The following SLIT3 variants were observed in gnomAD, a reference collection of about 807,000 sequenced individuals.
SLIT3 encodes slit homolog 3 protein.
A neutral mutation model predicts 184.0 loss-of-function variants in SLIT3; 68 were observed. The ratio of observed to expected loss-of-function variants is 0.37; its 90% CI spans 0.30 to 0.45. The LOEUF is 0.45. SLIT3 is among the 20% of genes least tolerant of loss of function. The pLI, the probability that SLIT3 is intolerant of heterozygous loss-of-function variation, is 1.00. For missense variants in SLIT3, 1,707 were observed against 2,026.0 expected, an observed-to-expected ratio of 0.84 and a Z score of 3.02; for synonymous variants, 831 against 828.6, an observed-to-expected ratio of 1.00 and a Z score of -0.05.
intron 4 of SLIT3, among the ~76,000 whole-genome samples, chr5:168,930,518 T>A (rs1026280955): frequency 6.6e-6 from 1 of 152,076 alleles, no homozygotes; most frequent in African/African-American, 2.4e-5. Context: ...AGTTTCCTCA[T>A]CGGGGCAGTA....
intron 4 of SLIT3, among the ~76,000 whole-genome samples, chr5:169,076,729 G>C (rs925223775): frequency 6.6e-6 from 1 of 152,098 alleles, no homozygotes; most frequent in Non-Finnish European, 1.5e-5. Context: ...TAGGATGTGG[G>C]TGAATATAAC....
At chr5:168,871,090 G>A (rs754401760) in intron 5 of SLIT3, among the ~76,000 whole-genome samples, 9 of 152,192 alleles carry the variant, frequency 5.9e-5, no homozygotes, top group East Asian at 1.9e-4. Context: ...GCAGGACTGC[G>A]TTCCTTCTGG....
chr5:168,723,302 G>A (rs942320763), intron 21 of SLIT3, among the ~76,000 whole-genome samples: 1 of 148,630 alleles, frequency 6.7e-6, no homozygotes, highest in Non-Finnish European at 1.5e-5. Context: ...TCACCTGCCT[G>A]CCTGCCCATC....
At chr5:169,004,387 G>GAA (rs1218660379) in intron 4 of SLIT3, among the ~76,000 whole-genome samples, 1 of 152,180 alleles carries the variant, frequency 6.6e-6, no homozygotes, top group East Asian at 1.9e-4. Context: ...GTCCTCTGGA[G>GAA]AAAATAAGGT....
intron 1 of SLIT3, among the ~76,000 whole-genome samples, chr5:169,281,038 T>G (rs1681007341): frequency 6.6e-6 from 1 of 151,212 alleles, no homozygotes; most frequent in Non-Finnish European, 1.5e-5. Context: ...CAATAGGGAG[T>G]GGTAGGGACT....
At chr5:168,901,574 T>C (rs1045707581) in intron 4 of SLIT3, among the ~76,000 whole-genome samples, 2 of 152,168 alleles carry the variant, frequency 1.3e-5, no homozygotes, top group Non-Finnish European at 2.9e-5. Context: ...GAAGCATCTT[T>C]TTTTCAGAAC....
chr5:168,962,801 T>TC (rs1162247249), intron 4 of SLIT3, among the ~76,000 whole-genome samples: 1 of 152,176 alleles, frequency 6.6e-6, no homozygotes, highest in Admixed American at 6.5e-5. Flanking sequence ...CTAAGCACTT[T>TC]CCCTCCTTGG....
At chr5:168,971,475 A>G (rs1369019772) in intron 4 of SLIT3, among the ~76,000 whole-genome samples, 2 of 152,188 alleles carry the variant, frequency 1.3e-5, no homozygotes, top group Non-Finnish European at 2.9e-5. Context: ...TATAAACTGA[A>G]ATACATCTGA....
At chr5:169,184,255 C>T (rs1191553669) in intron 4 of SLIT3, among the ~76,000 whole-genome samples, 1 of 152,208 alleles carries the variant, frequency 6.6e-6, no homozygotes, top group East Asian at 1.9e-4. Context: ...TGTTATCCCT[C>T]TCCCATTCAA....
intron 4 of SLIT3, among the ~76,000 whole-genome samples, chr5:169,047,885 A>G (rs1054918280): frequency 6.6e-6 from 1 of 152,086 alleles, no homozygotes; most frequent in Admixed American, 6.5e-5. Context: ...GGTCCTGAGC[A>G]GCTCCAGAGC....
chr5:168,981,231 T>A (rs1292369301), intron 4 of SLIT3, among the ~76,000 whole-genome samples: 1 of 152,146 alleles, frequency 6.6e-6, no homozygotes. Context: ...GGACCACGTG[T>A]CAGTTTATTC....
At chr5:168,816,895 G>A (rs896117610) in intron 8 of SLIT3, among the ~76,000 whole-genome samples, 2 of 152,178 alleles carry the variant, frequency 1.3e-5, no homozygotes, top group African/African-American at 4.8e-5. Context: ...CAGCCAAGCA[G>A]CTGACTCCAG....
At chr5:168,853,557 C>G (rs1758752584) in intron 5 of SLIT3, among the ~76,000 whole-genome samples, 1 of 152,186 alleles carries the variant, frequency 6.6e-6, no homozygotes. Flanking sequence ...TTGCACACAA[C>G]ATTTATTTAA....
chr5:168,789,529 C>T (rs767152894), intron 11 of SLIT3, 31 bp downstream of exon 11: 4 of 1,587,132 alleles, frequency 2.5e-6, no homozygotes, highest in South Asian at 1.1e-5. Flanking sequence ...CCCCTCCCCT[C>T]ACCTCAGGCC....
chr5:169,159,064 C>T (rs529923973), intron 4 of SLIT3, among the ~76,000 whole-genome samples: 30 of 151,954 alleles, frequency 2.0e-4, no homozygotes, highest in African/African-American at 6.8e-4. Flanking sequence ...GGGCAGATCA[C>T]CTGAGGTCTA....
intron 17 of SLIT3, among the ~76,000 whole-genome samples, chr5:168,753,465 G>C (rs1320589884): frequency 6.6e-6 from 1 of 152,192 alleles, no homozygotes; most frequent in African/African-American, 2.4e-5. Context: ...GTGTGTCTGT[G>C]CCTGTTTGTA....
chr5:169,007,003 T>A (rs760453046), intron 4 of SLIT3, among the ~76,000 whole-genome samples: 1 of 152,110 alleles, frequency 6.6e-6, no homozygotes, highest in Non-Finnish European at 1.5e-5. Flanking sequence ...CATTTCAAAT[T>A]GTAATCCCCA....
At position 169,084,859 on chromosome 5, in the gene SLIT3, G is replaced by A. The variant is rs932001247; in HGVS notation, c.413+108620C>T. The stretch of plus-strand genomic sequence containing the variant: ...AAGTTGGCTTCCACTGGGAGGAAGG[G>A]GCCCCTTTTCCTAATCCACACAAAG... On this transcript the variant is annotated intron_variant, in intron 4 of 35. Coordinates refer to ENST00000519560, the MANE Select transcript of SLIT3 (RefSeq NM_003062.4). Among the ~76,000 whole-genome samples the A allele has an allele frequency of 5.9e-5, 9 of 152,026 alleles. No individual in the cohort carries two copies. In the East Asian group the frequency reaches 9.7e-4, roughly 16 times the overall value.
intron 30 of SLIT3, 32 bp from the exon 31 acceptor site, chr5:168,685,959 A>G (rs2113228013): frequency 6.3e-7 from 1 of 1,582,082 alleles, no homozygotes; most frequent in Non-Finnish European, 8.6e-7. Flanking sequence ...GGAGGGAGAT[A>G]GGAGAATGGC....
Sources: gnomAD v4.1 joint callset for allele counts (sites outside exome capture counted in the v4.1 genomes callset) on GRCh38, gnomAD v4.1.1 for gene constraint, MANE v1.5 for transcripts, NCBI Gene and HGNC (gene_info 2026-07-23, HGNC 2026-07-21) for gene names.